Variants in HCRTR2 observed in about 807,000 individuals in gnomAD.
HCRTR2 encodes the protein hypocretin receptor 2, also known as orexin receptor type 2.
HCRTR2 carries 22 observed loss-of-function variants against 49.0 expected under a neutral mutation model. That is an observed-to-expected ratio of 0.45 (90% CI 0.32 to 0.64). The LOEUF (loss-of-function observed/expected upper bound fraction) is 0.64, where lower values mean the gene tolerates loss of function less well. HCRTR2 is among the 30% of genes least tolerant of loss of function. The probability of loss-of-function intolerance (pLI) is 0.04; values close to 1 mark genes in which losing one functional copy is unlikely to be tolerated. For missense variants in HCRTR2, 491 were observed against 559.4 expected (o/e 0.88, Z 1.23); for synonymous variants, 236 against 205.3 (o/e 1.15, Z -1.28).
At chr6:55,211,399 G>C (rs1338220691) in intron 1 of HCRTR2, among the ~76,000 whole-genome samples, 1 of 152,124 alleles carries the variant, frequency 6.6e-6, no homozygotes, top group Non-Finnish European at 1.5e-5. Context: ...CCAGATTACT[G>C]TTAAGGCAAC....
intron 1 of HCRTR2, among the ~76,000 whole-genome samples, chr6:55,240,041 T>G (rs571893607): frequency 6.6e-6 from 1 of 152,018 alleles, no homozygotes; most frequent in Non-Finnish European, 1.5e-5. Context: ...TCTCCCAAAG[T>G]GCCGGGATTA....
intron 1 of HCRTR2, among the ~76,000 whole-genome samples, chr6:55,214,975 G>A (rs1430488884): frequency 6.6e-6 from 1 of 151,926 alleles, no homozygotes; most frequent in African/African-American, 2.4e-5. Context: ...TGTTATCAGA[G>A]TTTTAGAAGA....
rs1554179054 is a variant in HCRTR2, at chr6:55,226,723, T to TTTTTTTTTTG, written c.224-21907_224-21906insGTTTTTTTTT. Among the ~76,000 whole-genome samples the TTTTTTTTTTG allele has an allele frequency of 1.4e-3, 189 of 137,772 alleles. 1 individual carries two copies. Among genetic ancestry groups the TTTTTTTTTTG allele is most frequent in the African/African-American group, 5.1e-3 (181 of 35,704 alleles). The allele number at this position is 137,772 out of a possible 152,430, so 90.4% of individuals were successfully genotyped here. A position where few individuals can be genotyped will look rare whatever the true frequency, so the allele number is the denominator to read the frequency against. On this transcript the variant is annotated intron_variant, in intron 1 of 6. Coordinates refer to ENST00000370862, the MANE Select transcript of HCRTR2 (RefSeq NM_001384272.1). ...CCAAATTCCAGGTGTTTTTTTTTTT[T>TTTTTTTTTTG]TTTTTTTTTTTTGAGACAGAGTCTC...
chr6:55,129,972 C>T (rs1257603586), intron 1 of HCRTR2, among the ~76,000 whole-genome samples: 2 of 151,982 alleles, frequency 1.3e-5, no homozygotes, highest in Non-Finnish European at 2.9e-5. Flanking sequence ...CGTGTATTTT[C>T]CTGGACCCAC....
chr6:55,188,358 A>T (rs1198727040), intron 1 of HCRTR2, among the ~76,000 whole-genome samples: 2 of 152,180 alleles, frequency 1.3e-5, no homozygotes, highest in Non-Finnish European at 2.9e-5. Context: ...CATAGATTTT[A>T]TCTCTTTGTA....
chr6:55,248,587 C>T, intron 1 of HCRTR2, 52 bp from the exon 2 acceptor site: 2 of 1,394,390 alleles, frequency 1.4e-6, no homozygotes, highest in Admixed American at 3.4e-5. Flanking sequence ...TGTTTCCTCA[C>T]CAATACCTAT....
chr6:55,114,735 T>C (rs2127611691), intron 1 of HCRTR2, among the ~76,000 whole-genome samples: 1 of 151,948 alleles, frequency 6.6e-6, no homozygotes, highest in Non-Finnish European at 1.5e-5. Context: ...AAACACTCCA[T>C]ATTCCAATAA....
intron 4 of HCRTR2, among the ~76,000 whole-genome samples, chr6:55,272,489 T>C (rs780884525): frequency 6.6e-6 from 1 of 152,106 alleles, no homozygotes. Flanking sequence ...TTTGAACCCC[T>C]TAAAGCAGTG....
intron 1 of HCRTR2, among the ~76,000 whole-genome samples, chr6:55,205,592 A>G (rs1397599160): frequency 6.6e-6 from 1 of 152,156 alleles, no homozygotes; most frequent in African/African-American, 2.4e-5. Context: ...ATAGACAGAG[A>G]GGAATTGAAG....
intron 1 of HCRTR2, among the ~76,000 whole-genome samples, chr6:55,129,271 T>G (rs1581786609): frequency 1.3e-5 from 2 of 152,236 alleles, no homozygotes; most frequent in African/African-American, 4.8e-5. Context: ...TATCCCCTTG[T>G]GTTTTCAAAT....
intron 1 of HCRTR2, among the ~76,000 whole-genome samples, chr6:55,153,864 T>C (rs535628484): frequency 1.3e-5 from 2 of 151,926 alleles, no homozygotes; most frequent in East Asian, 3.9e-4. Flanking sequence ...ATGTACTTTT[T>C]TGAAAAGACA....
At chr6:55,249,279 C>T (rs554933986) in intron 2 of HCRTR2, among the ~76,000 whole-genome samples, 1 of 152,164 alleles carries the variant, frequency 6.6e-6, no homozygotes, top group South Asian at 2.1e-4. Context: ...AGTCATTGAG[C>T]ATATTTGTTT....
At chr6:55,239,772 ATTTTTTT>A (rs35160150) in intron 1 of HCRTR2, among the ~76,000 whole-genome samples, 7 of 121,354 alleles carry the variant, frequency 5.8e-5, no homozygotes, top group South Asian at 2.6e-4. Context: ...TAGGCGGTAA[ATTTTTTT>A]TTTTTTTTTT....
At chr6:55,272,175 G>T (rs1766985679) in intron 4 of HCRTR2, among the ~76,000 whole-genome samples, 1 of 152,060 alleles carries the variant, frequency 6.6e-6, no homozygotes, top group Non-Finnish European at 1.5e-5. Flanking sequence ...ATATTATTCA[G>T]CTACTAAAAG....
chr6:55,201,735 C>T (rs1765516963), intron 1 of HCRTR2, among the ~76,000 whole-genome samples: 1 of 152,106 alleles, frequency 6.6e-6, no homozygotes, highest in Non-Finnish European at 1.5e-5. Flanking sequence ...ATGACTGATA[C>T]TCAACCTCTT....
rs538296693 is a variant in HCRTR2 at position 55,192,778 on chromosome 6, A to G, written c.223+17968A>G. Among the ~76,000 whole-genome samples, 36 of 152,312 alleles carry G rather than the reference A, an allele frequency of 2.4e-4. 1 individual carries two copies. In the South Asian group the frequency reaches 7.0e-3, roughly 30 times the overall value. On this transcript the variant is annotated intron_variant, in intron 1 of 6. Transcript: ENST00000370862. ...TCATGTTAATCTACATACTCAATCT[A>G]CGTAACAACTGGATATATCCTGTAG... is the stretch of plus-strand genomic sequence containing the variant.
At chr6:55,160,688 G>C (rs751377681) in intron 1 of HCRTR2, among the ~76,000 whole-genome samples, 1 of 152,230 alleles carries the variant, frequency 6.6e-6, no homozygotes, top group Middle Eastern at 3.4e-3. Flanking sequence ...TGCAATCCTA[G>C]TCTCTGATAA....
rs187370550 is a variant in HCRTR2, at chr6:55,268,819, G to A, written c.762+4997G>A. ...TGGATAGAAAACACAGGCAGGGTGC[G>A]GTGGCTCACCCCTGTAATCCCAGCA... On this transcript the variant is annotated intron_variant, in intron 4 of 6. Coordinates refer to ENST00000370862, the MANE Select transcript of HCRTR2 (RefSeq NM_001384272.1). Among the ~76,000 whole-genome samples the A allele has an allele frequency of 1.3e-3, 204 of 152,124 alleles. 2 individuals carry two copies. Among genetic ancestry groups the A allele is most frequent in the Middle Eastern group, 3.4e-3 (1 of 294 alleles).
intron 1 of HCRTR2, among the ~76,000 whole-genome samples, chr6:55,194,231 A>G (rs898048895): frequency 3.9e-5 from 6 of 152,140 alleles, no homozygotes; most frequent in African/African-American, 1.2e-4. Flanking sequence ...TACCTTTAGG[A>G]TGCATGTATT....
Sources: allele counts gnomAD v4.1 joint callset (sites outside exome capture counted in the v4.1 genomes callset), GRCh38; gene constraint gnomAD v4.1.1; transcripts MANE v1.5; gene names NCBI Gene and HGNC (gene_info 2026-07-23, HGNC 2026-07-21).